Variants in RBFOX1 observed in about 807,000 individuals in gnomAD.
RBFOX1 encodes RNA binding fox-1 homolog 1.
In RBFOX1, 8 loss-of-function variants were observed where a neutral mutation model predicts 57.7. The ratio of observed to expected loss-of-function variants is 0.14; its 90% CI spans 0.08 to 0.25. The LOEUF is 0.25. Ranked by LOEUF, RBFOX1 falls within the 10% of genes least tolerant of loss-of-function variation. RBFOX1 has a pLI of 1.00. For missense variants in RBFOX1, 611 were observed against 548.5 expected, an observed-to-expected ratio of 1.11 and a Z score of -1.14; for synonymous variants, 326 against 222.4, an observed-to-expected ratio of 1.47 and a Z score of -4.15.
chr16:7,683,398 T>G (rs2075352404), intron 14 of RBFOX1, among the ~76,000 whole-genome samples: 1 of 151,904 alleles, frequency 6.6e-6, no homozygotes, highest in African/African-American at 2.4e-5. Flanking sequence ...ACTAATTGCC[T>G]TTGGTCCATA....
intron 4 of RBFOX1, among the ~76,000 whole-genome samples, chr16:7,506,911 A>G (rs968852957): frequency 6.6e-6 from 1 of 152,196 alleles, no homozygotes; most frequent in African/African-American, 2.4e-5. Context: ...ACTGGACTGG[A>G]AGGAGGATCA....
intron 3 of RBFOX1, among the ~76,000 whole-genome samples, chr16:7,003,367 A>G (rs572038813): frequency 4.6e-5 from 7 of 151,970 alleles, no homozygotes; most frequent in East Asian, 3.9e-4. Flanking sequence ...GGCTGAGGCA[A>G]GAGAATCACT....
intron 2 of RBFOX1, chr16:6,483,527 G>C: frequency 1.3e-6 from 2 of 1,535,668 alleles, no homozygotes; most frequent in Non-Finnish European, 1.7e-6. Flanking sequence ...AATTGCAGTC[G>C]TGGGAGATGC....
intron 2 of RBFOX1, among the ~76,000 whole-genome samples, chr16:6,424,201 T>G (rs78488069): frequency 0.016 from 2,449 of 152,334 alleles, 69 homozygotes; most frequent in East Asian, 0.13. Flanking sequence ...ATTGCACCAC[T>G]GCACTGCAGC....
In RBFOX1 at chr16:5,920,845, C is replaced by T. The variant is rs80149202; in HGVS notation, c.351+53510C>T. Among the ~76,000 whole-genome samples the T allele has an allele frequency of 9.0e-3, 1,369 of 152,274 alleles. 7 individuals are homozygous for T. Among genetic ancestry groups the T allele is most frequent in the Non-Finnish European group, 0.014 (932 of 68,030 alleles). On this transcript the variant is annotated intron_variant, in intron 4 of 19. Coordinates refer to the RBFOX1 transcript ENST00000641259. ...ATCCTTCGAAAGGACAAAATAAGTA[C>T]ATTATCACAAGGATCTTAAAGGAAA...
At chr16:5,345,785 G>C (rs1464691445) in intron 1 of RBFOX1, among the ~76,000 whole-genome samples, 1 of 152,158 alleles carries the variant, frequency 6.6e-6, no homozygotes, top group Non-Finnish European at 1.5e-5. Context: ...CCAGCTTCCA[G>C]GTTTTCATTT....
chr16:7,155,626 A>G (rs951714304), intron 4 of RBFOX1, among the ~76,000 whole-genome samples: 2 of 148,362 alleles, frequency 1.3e-5, no homozygotes, highest in Non-Finnish European at 3.0e-5. Context: ...GAATAAGAGA[A>G]ATACCAATAT....
intron 3 of RBFOX1, among the ~76,000 whole-genome samples, chr16:7,029,196 ATGTATACGTATACG>A (rs2042079416): frequency 1.1e-5 from 1 of 91,432 alleles, no homozygotes; most frequent in Admixed American, 1.2e-4. Flanking sequence ...ATATACACAT[ATGTATACGTATACG>A]TATATATATA....
chr16:6,370,578 C>G (rs1427834624), intron 2 of RBFOX1, among the ~76,000 whole-genome samples: 2 of 152,026 alleles, frequency 1.3e-5, no homozygotes, highest in African/African-American at 4.8e-5. Context: ...TGAAAGAAAC[C>G]AGTCGCAAAA....
chr16:6,010,594 G>C (rs377223512), intron 4 of RBFOX1, among the ~76,000 whole-genome samples: 18 of 152,308 alleles, frequency 1.2e-4, no homozygotes, highest in Admixed American at 8.5e-4. Context: ...GGAAGCAAAC[G>C]GAGTGTCCGC....
At chr16:5,443,192 C>T (rs1261263181) in intron 1 of RBFOX1, among the ~76,000 whole-genome samples, 1 of 152,142 alleles carries the variant, frequency 6.6e-6, no homozygotes, top group Non-Finnish European at 1.5e-5. Flanking sequence ...TTGCAGTAGT[C>T]CCAGGAGACT....
chr16:7,428,806 C>T (rs972137242), intron 4 of RBFOX1, among the ~76,000 whole-genome samples: 2 of 152,004 alleles, frequency 1.3e-5, no homozygotes, highest in Admixed American at 1.3e-4. Context: ...CACTTCCCCT[C>T]TCTGAGACTC....
intron 2 of RBFOX1, among the ~76,000 whole-genome samples, chr16:6,382,500 G>A (rs1009326930): frequency 3.3e-5 from 5 of 152,214 alleles, no homozygotes; most frequent in African/African-American, 1.2e-4. Flanking sequence ...AGTTTGTGCA[G>A]CTCTTTGGGC....
At chr16:6,683,678 C>T (rs994512398) in intron 3 of RBFOX1, among the ~76,000 whole-genome samples, 1 of 152,038 alleles carries the variant, frequency 6.6e-6, no homozygotes, top group Non-Finnish European at 1.5e-5. Context: ...GAAAGCAAGC[C>T]CTCAGATCTG....
At chr16:6,852,501 A>C (rs1050092000) in intron 3 of RBFOX1, among the ~76,000 whole-genome samples, 1 of 152,224 alleles carries the variant, frequency 6.6e-6, no homozygotes, top group East Asian at 1.9e-4. Flanking sequence ...ACAGTCTTAC[A>C]AGTAGGGAAC....
At position 7,536,592 on chromosome 16, in the gene RBFOX1, T is replaced by G. The variant is rs1202947865; in HGVS notation, c.270+18203T>G. Among the ~76,000 whole-genome samples, 5 of 151,994 alleles carry G rather than the reference T, an allele frequency of 3.3e-5. No individual in the cohort carries two copies. The East Asian group carries it at 9.7e-4, about 29-fold the overall frequency. On this transcript the variant is annotated intron_variant, in intron 5 of 15. Coordinates refer to ENST00000550418, the MANE Select transcript of RBFOX1 (RefSeq NM_018723.4). ...CTGGGCAACACAGTGAGACTTCGTC[T>G]CAAAAAAATAATAATAATTAATAAA...
chr16:7,297,405 G>A (rs2095918364), intron 4 of RBFOX1, among the ~76,000 whole-genome samples: 2 of 152,172 alleles, frequency 1.3e-5, no homozygotes, highest in African/African-American at 4.8e-5. Context: ...TGAGGAAGGG[G>A]TAAGATGAGG....
chr16:5,815,174 T>G (rs1397950393), intron 3 of RBFOX1, among the ~76,000 whole-genome samples: 1 of 148,602 alleles, frequency 6.7e-6, no homozygotes, highest in Non-Finnish European at 1.5e-5. Flanking sequence ...TTTTTTTTTT[T>G]TTGTAGAGAC....
chr16:7,676,955 C>A, intron 14 of RBFOX1, 117 bp downstream of exon 14: 1 of 1,022,052 alleles, frequency 9.8e-7, no homozygotes, highest in Non-Finnish European at 1.5e-6. Flanking sequence ...GGTAGCACCC[C>A]AAAAGTTAGG....
Sources: gnomAD v4.1 joint callset for allele counts (sites outside exome capture counted in the v4.1 genomes callset) on GRCh38, gnomAD v4.1.1 for gene constraint, MANE v1.5 for transcripts, NCBI Gene and HGNC (gene_info 2026-07-23, HGNC 2026-07-21) for gene names.